PFKFB3: variants seen among roughly 807,000 people sequenced by gnomAD.
PFKFB3 encodes 6-phosphofructo-2-kinase/fructose-2,6-biphosphatase 3, also known as 6-phosphofructo-2-kinase/fructose-2,6-bisphosphatase 3.
PFKFB3 carries 33 observed loss-of-function variants against 68.0 expected under a neutral mutation model. The ratio of observed to expected loss-of-function variants is 0.49; its 90% CI spans 0.37 to 0.65. The LOEUF is 0.65. Among genes scored for constraint, PFKFB3 ranks in the 30% least tolerant of loss-of-function variants. The probability of loss-of-function intolerance (pLI) is 0.00; values close to 1 mark genes in which losing one functional copy is unlikely to be tolerated. For missense variants in PFKFB3, 586 were observed against 712.2 expected (o/e 0.82, Z 2.02); for synonymous variants, 315 against 288.2 (o/e 1.09, Z -0.94).
At chr10:6,204,080 G>C (rs1588467233) in intron 1 of PFKFB3, among the ~76,000 whole-genome samples, 1 of 152,186 alleles carries the variant, frequency 6.6e-6, no homozygotes, top group Admixed American at 6.5e-5. Flanking sequence ...CGCACCCCCC[G>C]GTGCTCGGAA....
At chr10:6,257,978 C>T (rs942887677), downstream of PFKFB3, among the ~76,000 whole-genome samples, 1 of 151,964 alleles carries the variant, frequency 6.6e-6, no homozygotes, top group African/African-American at 2.4e-5. Context: ...TTATAGGGGT[C>T]AACACCTAAA....
chr10:6,276,341 A>G, the PFKFB3 span, among the ~76,000 whole-genome samples: 205 of 152,230 alleles, frequency 1.3e-3, no homozygotes, highest in African/African-American at 4.8e-3. Flanking sequence ...TAGCAAATGT[A>G]TGAAAGTGGA....
the PFKFB3 span, among the ~76,000 whole-genome samples, chr10:6,309,488 G>A: frequency 6.6e-6 from 1 of 152,012 alleles, no homozygotes; most frequent in Non-Finnish European, 1.5e-5. Flanking sequence ...CAGGCATGGT[G>A]GTGCATGCCT....
At chr10:6,166,668 G>C (rs1273710231) in intron 1 of PFKFB3, among the ~76,000 whole-genome samples, 1 of 152,132 alleles carries the variant, frequency 6.6e-6, no homozygotes. Flanking sequence ...GTCGGATCTT[G>C]AGTAGCACCT....
chr10:6,198,273 G>T (rs563416875), upstream of PFKFB3, among the ~76,000 whole-genome samples: 41 of 151,092 alleles, frequency 2.7e-4, no homozygotes, highest in East Asian at 7.6e-3. Flanking sequence ...AAAAAGAAAA[G>T]AAAAGAAAAG....
chr10:6,232,822 C>A, intron 14 of PFKFB3, 73 bp from the exon 15 acceptor site: 2 of 1,157,814 alleles, frequency 1.7e-6, no homozygotes, highest in Non-Finnish European at 2.6e-6. Flanking sequence ...GCATGGCTCG[C>A]GTCTTCTGCT....
chr10:6,216,930 T>G, intron 5 of PFKFB3, 150 bp downstream of exon 5: 1 of 807,656 alleles, frequency 1.2e-6, no homozygotes. Context: ...CCACGTTTTG[T>G]GGCCTTAAAT....
At chr10:6,198,241 G>A (rs747361971), upstream of PFKFB3, among the ~76,000 whole-genome samples, 45 of 75,284 alleles carry the variant, frequency 6.0e-4, no homozygotes, top group African/African-American at 1.8e-3. Flanking sequence ...ATGAGACTCC[G>A]TCTCAAAAAA....
the PFKFB3 span, among the ~76,000 whole-genome samples, chr10:6,275,370 G>A: frequency 2.0e-5 from 3 of 152,186 alleles, no homozygotes; most frequent in East Asian, 3.8e-4. The surrounding 1 kb of genome is among the most constrained non-coding windows in gnomAD (Gnocchi z 4.9). Flanking sequence ...AGCCACCCTC[G>A]GGGCCTGCGC....
chr10:6,262,019 CAA>C, the PFKFB3 span, among the ~76,000 whole-genome samples: 1 of 144,700 alleles, frequency 6.9e-6, no homozygotes, highest in South Asian at 2.2e-4. Context: ...AAACAAAAAA[CAA>C]AAAAAAAAAC....
chr10:6,144,938 C>T, exon 1 of PFKFB3: 1 of 1,232,264 alleles, frequency 8.1e-7, no homozygotes, highest in South Asian at 3.1e-5. Context: ...GGGGCTGCCG[C>T]TTGGACGTCG....
the PFKFB3 span, among the ~76,000 whole-genome samples, chr10:6,305,679 TA>T: frequency 4.6e-5 from 7 of 152,240 alleles, no homozygotes; most frequent in Non-Finnish European, 1.0e-4. Flanking sequence ...CTTTCGTGTT[TA>T]AAAATTCTTT....
chr10:6,275,862 T>G, the PFKFB3 span, among the ~76,000 whole-genome samples: 1 of 152,188 alleles, frequency 6.6e-6, no homozygotes, highest in Non-Finnish European at 1.5e-5. The surrounding 1 kb of genome is among the most constrained non-coding windows in gnomAD (Gnocchi z 4.9). Flanking sequence ...TATATGGCTC[T>G]TCAAATACAC....
intron 1 of PFKFB3, among the ~76,000 whole-genome samples, chr10:6,181,874 A>G (rs926055599): frequency 2.0e-5 from 3 of 151,790 alleles, no homozygotes; most frequent in African/African-American, 4.8e-5. Context: ...TCACACTCAC[A>G]GAGACAAAGT....
chr10:6,215,409 G>A lies in PFKFB3; in HGVS notation c.299+92G>A, dbSNP rs915345876. ...GGCTGCAGGAGTAAGGCTGGGCCGCGGGCGTAGGGCTGGGCTGTGGGAATA... is the reference window on the plus strand; with the variant it reads ...GGCTGCAGGAGTAAGGCTGGGCCGCAGGCGTAGGGCTGGGCTGTGGGAATA... On this transcript the variant is annotated intron_variant, in intron 3 of 14. Transcript: ENST00000379775. The surrounding 1 kb of genome is among the most constrained non-coding windows in gnomAD (Gnocchi z 4.3). 11 of 916,722 alleles carry A rather than the reference G, an allele frequency of 1.2e-5. No homozygotes were observed. The highest frequency in any genetic ancestry group is 2.6e-4 in the Middle Eastern group (1 of 3,858). 56.8% of individuals were successfully genotyped at this position (916,722 alleles called of 1,614,324 possible).
At chr10:6,170,193 C>T (rs1004373623) in intron 1 of PFKFB3, among the ~76,000 whole-genome samples, 3 of 152,052 alleles carry the variant, frequency 2.0e-5, no homozygotes, top group Admixed American at 1.3e-4. Flanking sequence ...ATATTTAATC[C>T]CCAAACAGAG....
the PFKFB3 span, among the ~76,000 whole-genome samples, chr10:6,263,120 C>T: frequency 3.0e-4 from 46 of 152,152 alleles, no homozygotes; most frequent in African/African-American, 1.0e-3. Flanking sequence ...GATTTACCCA[C>T]GTATTTATTA....
chr10:6,176,857 T>C (rs1356054717), intron 1 of PFKFB3, among the ~76,000 whole-genome samples: 1 of 152,178 alleles, frequency 6.6e-6, no homozygotes, highest in African/African-American at 2.4e-5. Flanking sequence ...AGATCTGTCC[T>C]AGCCACAGAA....
At position 6,213,649 on chromosome 10, in the gene PFKFB3, C is replaced by G. The variant is rs756538480; in HGVS notation, c.103C>G (p.Pro35Ala). 2.5e-6 allele frequency: 4 copies of G among 1,613,252 alleles called. No individual in the cohort carries two copies. The highest frequency in any genetic ancestry group is 1.3e-5 in the African/African-American group (1 of 75,010). ...CTGTGGGCCAAAGCTGACCAACTCC[C>G]CCACCGTCATCGTCATGGTGGGCCT... Reference protein sequence around the residue: ...RSCGPKLTNSPTVIVMVGLPA... With the variant: ...RSCGPKLTNSATVIVMVGLPA... Residue 35 changes from proline to alanine, a missense_variant, in exon 2 of 15, where the codon CCC (proline) becomes GCC (alanine). Transcript: ENST00000379775.
Sources: allele counts gnomAD v4.1 joint callset (sites outside exome capture counted in the v4.1 genomes callset), GRCh38; gene constraint gnomAD v4.1.1; non-coding constraint Gnocchi (gnomAD v3.1); transcripts MANE v1.5; gene names NCBI Gene and HGNC (gene_info 2026-07-23, HGNC 2026-07-21).